MYO9A: variants seen among roughly 807,000 people sequenced by gnomAD.
The protein encoded by MYO9A is myosin IXA.
Under a neutral mutation model 293.3 loss-of-function variants are expected in MYO9A, and 103 were observed. The ratio of observed to expected loss-of-function variants is 0.35; its 90% confidence interval spans 0.30 to 0.41. The LOEUF is 0.41. MYO9A is among the 10% of genes least tolerant of loss of function. The pLI is 1.00. For missense variants in MYO9A, 2,685 were observed against 3,033.0 expected (o/e 0.89, Z 2.69); for synonymous variants, 1,001 against 1,035.7 (o/e 0.97, Z 0.64).
At chr15:72,089,029 A>G (rs2079826725) in intron 1 of MYO9A, among the ~76,000 whole-genome samples, 1 of 152,270 alleles carries the variant, frequency 6.6e-6, no homozygotes, top group African/African-American at 2.4e-5. Flanking sequence ...TTATGAACTC[A>G]ATCAAGAATA....
At chr15:72,031,471 G>A (rs375114726) in intron 3 of MYO9A, among the ~76,000 whole-genome samples, 4 of 152,080 alleles carry the variant, frequency 2.6e-5, no homozygotes, top group African/African-American at 9.7e-5. Flanking sequence ...GGGCAACTGA[G>A]TGAGACCCTT....
intron 1 of MYO9A, among the ~76,000 whole-genome samples, chr15:72,077,616 G>A (rs1256774739): frequency 6.6e-6 from 1 of 151,226 alleles, no homozygotes; most frequent in Admixed American, 6.6e-5. Flanking sequence ...CACTTGAACC[G>A]GGGTGACGGC....
intron 18 of MYO9A, among the ~76,000 whole-genome samples, chr15:71,927,033 T>C (rs1444785078): frequency 1.3e-5 from 2 of 152,044 alleles, no homozygotes; most frequent in African/African-American, 2.4e-5. Context: ...GGGGGTGGCA[T>C]TGGCAAGAGT....
In MYO9A at chr15:72,117,918, G is replaced by A; in HGVS notation, c.-310C>T. ...GCAGGCACATCCCCCGCCGCACCCC[G>A]CCCAGAGAGCACGCGTTGGACCGCC... On this transcript the variant is annotated 5_prime_UTR_variant, in exon 1 of 42. Coordinates refer to ENST00000356056, the MANE Select transcript of MYO9A (RefSeq NM_006901.4). The A allele has an allele frequency of 5.0e-6, 2 of 398,536 alleles. No homozygotes were observed. Among genetic ancestry groups the A allele is most frequent in the South Asian group, 1.3e-4 (1 of 7,884 alleles). The allele number at this position is 398,536 out of a possible 1,614,324, so 24.7% of individuals were successfully genotyped here. A position where few individuals can be genotyped will look rare whatever the true frequency, so the allele number is the denominator to read the frequency against.
At chr15:72,045,571 T>C (rs1355082231) in intron 2 of MYO9A, among the ~76,000 whole-genome samples, 153 bp downstream of exon 2, 2 of 152,046 alleles carry the variant, frequency 1.3e-5, no homozygotes, top group Non-Finnish European at 2.9e-5. Context: ...CAGCCCTAAA[T>C]GAGTTTTTGG....
chr15:71,953,644 C>G (rs1168788756), intron 14 of MYO9A: 1 of 152,140 alleles, frequency 6.6e-6, no homozygotes, highest in Non-Finnish European at 1.5e-5. Context: ...TTTGTCTCAC[C>G]ACCATGCCTA....
At chr15:71,940,259 C>T (rs1461709193) in intron 15 of MYO9A, among the ~76,000 whole-genome samples, 2 of 152,160 alleles carry the variant, frequency 1.3e-5, no homozygotes, top group African/African-American at 2.4e-5. Context: ...GTTTGGGAGG[C>T]CAAGACAGGC....
At chr15:72,008,436 G>GGTGTGT (rs57267628) in intron 7 of MYO9A, among the ~76,000 whole-genome samples, 8,430 of 138,716 alleles carry the variant, frequency 0.061, 291 homozygotes, top group Non-Finnish European at 0.069. Flanking sequence ...GAGGTAAATG[G>GGTGTGT]GTGTGTGTGT....
In MYO9A at chr15:71,898,549, T is replaced by C; in HGVS notation, c.3954A>G (p.Pro1318=). 1 of 1,614,100 alleles carries C rather than the reference T, an allele frequency of 6.2e-7. No homozygotes were observed. The highest frequency in any genetic ancestry group is 8.5e-7 in the Non-Finnish European group (1 of 1,180,014). ...TELVPEGLQS[P]RGTPDSESSQ... is the part of the protein sequence containing the mutation. ...AGCTCTCACTATCAGGTGTACCCCG[T>C]GGAGACTGAAGGCCTTCAGGCACCA... The change falls in exon 25 of 42, where the codon CCA becomes CCG. Residue 1318 remains proline, a synonymous_variant. Transcript: ENST00000356056.
chr15:71,935,601 A>C (rs1005995573), intron 16 of MYO9A, 117 bp from the exon 17 acceptor site: 3 of 985,594 alleles, frequency 3.0e-6, no homozygotes, highest in African/African-American at 3.3e-5. Flanking sequence ...ATGCTAAACC[A>C]ACCAAAAACT....
intron 2 of MYO9A, chr15:72,040,031 G>C: frequency 6.1e-6 from 1 of 162,700 alleles, no homozygotes; most frequent in Non-Finnish European, 1.3e-5. Context: ...CATCACCCTA[G>C]GCTTGTGGAC....
chr15:71,868,915 T>C (rs900205073), intron 32 of MYO9A, among the ~76,000 whole-genome samples: 1 of 152,178 alleles, frequency 6.6e-6, no homozygotes, highest in Admixed American at 6.5e-5. Context: ...AAGGAATTCT[T>C]CTTTTATTCA....
intron 2 of MYO9A, among the ~76,000 whole-genome samples, chr15:72,039,233 C>A (rs2078153596): frequency 6.6e-6 from 1 of 152,064 alleles, no homozygotes; most frequent in African/African-American, 2.4e-5. Context: ...ACTGTATTCA[C>A]TCGTGAGTAG....
In MYO9A at chr15:72,076,581, T is replaced by G. The variant is rs531838502; in HGVS notation, c.-71-29947A>C. ...ATCTCTAACGTGAAAACTATGAAAC[T>G]TTGCTAAAAGAAATTAAAATCTCAA... is the stretch of plus-strand genomic sequence containing the variant. On this transcript the variant is annotated intron_variant, in intron 1 of 41. Coordinates refer to ENST00000356056, the MANE Select transcript of MYO9A (RefSeq NM_006901.4). Among the ~76,000 whole-genome samples the G allele has an allele frequency of 1.1e-4, 16 of 152,182 alleles. No homozygotes were observed. The South Asian group carries it at 3.3e-3, about 32-fold the overall frequency.
intron 1 of MYO9A, 113 bp downstream of exon 1, chr15:72,117,567 G>A (rs1205566299): frequency 2.7e-6 from 1 of 374,458 alleles, no homozygotes; most frequent in Non-Finnish European, 4.7e-6. Flanking sequence ...AGACCCGCTC[G>A]CGGGGCGTCT....
chr15:71,940,526 A>C (rs2058747528), intron 15 of MYO9A, among the ~76,000 whole-genome samples: 1 of 151,982 alleles, frequency 6.6e-6, no homozygotes, highest in Admixed American at 6.6e-5. Context: ...GAGGGGCGGA[A>C]ATAGCAATAA....
chr15:72,046,051 C>G lies in MYO9A; in HGVS notation c.513G>C (p.Lys171Asn), dbSNP rs762888852. ...CAACATAGGTATAAATTTTTTCATG[C>G]TTAAAGCGATTTCGTAGGTTTTCTA... ...TLLENLRNRF[K>N]HEKIYTYVGS... Residue 171 changes from lysine to asparagine, a missense_variant, in exon 2 of 42, where the codon AAG becomes AAC. Lys to Asn is a moderately conservative substitution (Grantham distance 94). Coordinates refer to ENST00000356056, the MANE Select transcript of MYO9A (RefSeq NM_006901.4). The G allele has an allele frequency of 5.6e-6, 9 of 1,613,318 alleles. No homozygotes were observed. The highest frequency in any genetic ancestry group is 6.8e-6 in the Non-Finnish European group (8 of 1,179,820).
chr15:71,840,117 C>T (rs2140972443), intron 39 of MYO9A, among the ~76,000 whole-genome samples: 1 of 152,298 alleles, frequency 6.6e-6, no homozygotes, highest in Middle Eastern at 3.4e-3. Flanking sequence ...ATAAATATCC[C>T]ATAGGAAGTC....
chr15:71,829,025 T>C (rs2054616871), intron 40 of MYO9A, among the ~76,000 whole-genome samples: 1 of 152,212 alleles, frequency 6.6e-6, no homozygotes, highest in Non-Finnish European at 1.5e-5. Context: ...AGCATTACAA[T>C]TGTCTGAGGC....
Sources: allele counts gnomAD v4.1 joint callset (sites outside exome capture counted in the v4.1 genomes callset), GRCh38; gene constraint gnomAD v4.1.1; transcripts MANE v1.5; gene names NCBI Gene and HGNC (gene_info 2026-07-23, HGNC 2026-07-21).